TOX2: variants seen among roughly 807,000 people sequenced by gnomAD.
TOX2 encodes TOX high mobility group box family member 2.
Under a neutral mutation model 47.4 loss-of-function variants are expected in TOX2, and 15 were observed. The ratio of observed to expected loss-of-function variants is 0.32; its 90% confidence interval spans 0.21 to 0.49. The LOEUF is 0.49. TOX2 is among the 20% of genes least tolerant of loss of function. TOX2 has a pLI of 0.99. For synonymous variants in TOX2, 290 were observed against 296.6 expected (o/e 0.98, Z 0.23); for missense variants, 622 against 673.1 (o/e 0.92, Z 0.84).
At chr20:43,963,744 T>A (rs998601571) in intron 1 of TOX2, among the ~76,000 whole-genome samples, 16 of 152,168 alleles carry the variant, frequency 1.1e-4, no homozygotes, top group Middle Eastern at 3.2e-3. Flanking sequence ...AAAATCATCG[T>A]TGTTGGGAAA....
rs1251326330 is a variant in TOX2, at chr20:43,916,960, C to T, written c.99+1970C>T. Among the ~76,000 whole-genome samples the T allele has an allele frequency of 6.6e-6, 1 of 152,130 alleles. No individual in the cohort carries two copies. Among genetic ancestry groups the T allele is most frequent in the Admixed American group, 6.5e-5 (1 of 15,270 alleles). On this transcript the variant is annotated intron_variant, in intron 1 of 8. Coordinates refer to ENST00000341197, the MANE Select transcript of TOX2 (RefSeq NM_001098797.2). This position sits in a 1 kb window ranked among gnomAD's most constrained non-coding sequence, Gnocchi z 5.0. ...CTGTGCGAATCTCGCCGGGAAGGGC[C>T]CGTCAGGGAGGGAATGAGAAGCCGG...
chr20:44,015,357 C>A (rs2070861823), intron 3 of TOX2, among the ~76,000 whole-genome samples: 2 of 152,184 alleles, frequency 1.3e-5, no homozygotes, highest in South Asian at 4.1e-4. Context: ...CTGCAGGGGA[C>A]CGCTCCGTTT....
chr20:44,015,573 G>A (rs564350214), intron 3 of TOX2, among the ~76,000 whole-genome samples: 19 of 152,306 alleles, frequency 1.2e-4, no homozygotes, highest in Admixed American at 6.5e-4. Flanking sequence ...ACCCCAGAGC[G>A]GGAGTAATAG....
At chr20:43,966,365 A>T (rs970593048) in intron 1 of TOX2, among the ~76,000 whole-genome samples, 1 of 152,174 alleles carries the variant, frequency 6.6e-6, no homozygotes, top group Non-Finnish European at 1.5e-5. Context: ...TTAAGGTTGG[A>T]GTTTGTAGCC....
At chr20:44,020,306 G>GC (rs1285685608) in intron 3 of TOX2, among the ~76,000 whole-genome samples, 2 of 152,044 alleles carry the variant, frequency 1.3e-5, no homozygotes, top group African/African-American at 4.8e-5. Flanking sequence ...ACGTAAGACG[G>GC]CCCCCCAAGG....
At chr20:43,945,497 A>T (rs1265116285) in intron 1 of TOX2, among the ~76,000 whole-genome samples, 1 of 152,218 alleles carries the variant, frequency 6.6e-6, no homozygotes. Context: ...GATGCTCAGA[A>T]GTCTAATTGC....
In TOX2 at chr20:43,914,997, G is replaced by A; in HGVS notation, c.99+7G>A. The A allele has an allele frequency of 8.1e-7, 1 of 1,235,406 alleles. No homozygotes were observed. Among genetic ancestry groups the A allele is most frequent in the Non-Finnish European group, 1.0e-6 (1 of 988,590 alleles). The allele number at this position is 1,235,406 out of a possible 1,614,324, so 76.5% of individuals were successfully genotyped here. ...CTATTACCACGGCGGCAAGGTAGGC[G>A]GGGGCGGGCGGGGGTCCCCGGCGGG... is the stretch of plus-strand genomic sequence containing the variant. On this transcript the variant is annotated splice_region_variant and intron_variant, in intron 1 of 8. Coordinates refer to ENST00000341197, the MANE Select transcript of TOX2 (RefSeq NM_001098797.2). This position sits in a 1 kb window ranked among gnomAD's most constrained non-coding sequence, Gnocchi z 4.5.
chr20:44,062,403 T>TG (rs1213993013), intron 5 of TOX2, among the ~76,000 whole-genome samples: 169 of 144,072 alleles, frequency 1.2e-3, no homozygotes, highest in African/African-American at 3.9e-3. Flanking sequence ...AATAAATAAA[T>TG]AAATGAATAA....
At chr20:43,928,718 C>G (rs540481706) in intron 1 of TOX2, among the ~76,000 whole-genome samples, 4 of 152,280 alleles carry the variant, frequency 2.6e-5, no homozygotes, top group Admixed American at 6.5e-5. Flanking sequence ...ACTTCGCTTT[C>G]CATGGAGTTT....
intron 1 of TOX2, among the ~76,000 whole-genome samples, chr20:43,937,356 A>G (rs1199029479): frequency 6.6e-6 from 1 of 152,112 alleles, no homozygotes; most frequent in South Asian, 2.1e-4. Context: ...GAGGTGGCTG[A>G]TAACCTTCCC....
At chr20:43,992,918 C>T (rs992210961) in intron 2 of TOX2, among the ~76,000 whole-genome samples, 1 of 151,770 alleles carries the variant, frequency 6.6e-6, no homozygotes, top group African/African-American at 2.4e-5. Flanking sequence ...TTTGCTGATC[C>T]GAACTGATTT....
chr20:43,931,688 G>C (rs2069254790), intron 1 of TOX2, among the ~76,000 whole-genome samples: 1 of 152,176 alleles, frequency 6.6e-6, no homozygotes, highest in Non-Finnish European at 1.5e-5. Flanking sequence ...GTTGTTCTGT[G>C]GGGGAAAATA....
At chr20:43,943,814 G>T (rs764017918) in intron 1 of TOX2, among the ~76,000 whole-genome samples, 9 of 152,098 alleles carry the variant, frequency 5.9e-5, no homozygotes, top group Non-Finnish European at 1.0e-4. Context: ...ATCAACAAAT[G>T]CCCATCATTT....
In TOX2 at chr20:43,933,493, T is replaced by C. The variant is rs2069281636; in HGVS notation, c.99+18503T>C. Among the ~76,000 whole-genome samples, 3 of 152,172 alleles carry C rather than the reference T, an allele frequency of 2.0e-5. No homozygotes were observed. In the South Asian group the frequency reaches 6.2e-4, roughly 32 times the overall value. ...GGCATTTCTAACAAGGGCTAGATGTTGCTGCTCAGGGGGCCATGCTTTGAG... is the reference window on the plus strand; with the variant it reads ...GGCATTTCTAACAAGGGCTAGATGTCGCTGCTCAGGGGGCCATGCTTTGAG... On this transcript the variant is annotated intron_variant, in intron 1 of 8. Transcript: ENST00000341197.
chr20:44,019,378 T>G (rs1469039523), intron 3 of TOX2, among the ~76,000 whole-genome samples: 1 of 152,226 alleles, frequency 6.6e-6, no homozygotes, highest in Non-Finnish European at 1.5e-5. Context: ...ACCCTGATTC[T>G]TTTGACCCCA....
chr20:43,950,901 A>G (rs563670862), intron 1 of TOX2, among the ~76,000 whole-genome samples: 198 of 152,126 alleles, frequency 1.3e-3, no homozygotes, highest in African/African-American at 4.5e-3. Context: ...TGCACAGCAA[A>G]TACTTTTTTG....
In TOX2 at chr20:43,953,715, G is replaced by A. The variant is rs78073938; in HGVS notation, c.100-19652G>A. Among the ~76,000 whole-genome samples the A allele has an allele frequency of 1.2e-4, 18 of 152,228 alleles. No homozygotes were observed. In the East Asian group the frequency reaches 3.5e-3, roughly 29 times the overall value. ...AGGATGGGGCTGGAGAAATCAGCAG[G>A]GACCAGGTCAAGCAGGACCTTAGGA... On this transcript the variant is annotated intron_variant, in intron 1 of 8. Transcript: ENST00000341197.
intron 2 of TOX2, among the ~76,000 whole-genome samples, chr20:43,994,059 G>C (rs1326395893): frequency 6.6e-6 from 1 of 152,154 alleles, no homozygotes; most frequent in Non-Finnish European, 1.5e-5. Context: ...GTCTCAGGTG[G>C]AAGATCGCTT....
At chr20:43,970,758 C>A (rs891616380) in intron 1 of TOX2, among the ~76,000 whole-genome samples, 13 of 152,242 alleles carry the variant, frequency 8.5e-5, no homozygotes, top group African/African-American at 3.1e-4. Context: ...TAATGCCAGG[C>A]TCTGGGAGAT....
Sources: allele counts gnomAD v4.1 joint callset (sites outside exome capture counted in the v4.1 genomes callset), GRCh38; gene constraint gnomAD v4.1.1; non-coding constraint Gnocchi (gnomAD v3.1); transcripts MANE v1.5; gene names NCBI Gene and HGNC (gene_info 2026-07-23, HGNC 2026-07-21).